Variants in SYK observed in about 807,000 individuals in gnomAD.
The protein encoded by SYK is tyrosine-protein kinase SYK.
SYK carries 16 observed loss-of-function variants against 77.8 expected under a neutral mutation model. That is an observed-to-expected ratio of 0.21 (90% CI 0.14 to 0.31). The LOEUF (loss-of-function observed/expected upper bound fraction) is 0.31, where lower values mean the gene tolerates loss of function less well. SYK is among the 10% of genes least tolerant of loss of function. SYK has a pLI of 1.00. For missense variants in SYK, 529 were observed against 814.4 expected, an observed-to-expected ratio of 0.65 and a Z score of 4.26; for synonymous variants, 312 against 308.7, an observed-to-expected ratio of 1.01 and a Z score of -0.11.
At chr9:90,835,657 G>A (rs756584322) in intron 1 of SYK, among the ~76,000 whole-genome samples, 12 of 152,262 alleles carry the variant, frequency 7.9e-5, no homozygotes, top group East Asian at 1.9e-4. Flanking sequence ...CAGAAGCATC[G>A]GCACACATTG....
Position 90,867,132 on chromosome 9 carries a change from C to T in SYK, c.848C>T (p.Thr283Ile), listed in dbSNP as rs1443199768. 2 of 1,614,018 alleles carry T rather than the reference C, an allele frequency of 1.2e-6. No individual in the cohort carries two copies. The highest frequency in any genetic ancestry group is 1.1e-5 in the South Asian group (1 of 91,084). ...CCTCTTTGCCGTTGTGGTTTCTAGA[C>T]TTGGTCAGCGGGTGGAATAATCTCA... ...RPQLPGSHPA[T>I]WSAGGIISRI... The change falls in exon 7 of 14, where the codon ACT becomes ATT. Residue 283 changes from threonine (T) to isoleucine (I), a missense_variant and splice_region_variant. By Grantham distance (89) the Thr-to-Ile change is moderately conservative (BLOSUM62 -1). Around this residue, in one of 2 missense-constraint regions of SYK, gnomAD observed 321 missense variants for 433.1 expected, o/e 0.74. Transcript: ENST00000375754.
rs1190111750 is a variant in SYK, at chr9:90,877,797, C to T, written c.1391+17C>T. ...GCAGAACAGGTATTGTCAGGTGCCC[C>T]CACACATCTGGAAGCTATCCCCTAA... On this transcript the variant is annotated intron_variant, in intron 10 of 13. Transcript: ENST00000375754. 6.2e-7 allele frequency: 1 copy of T among 1,613,488 alleles called. No homozygotes were observed. The highest frequency in any genetic ancestry group is 1.7e-5 in the Admixed American group (1 of 60,012).
intron 3 of SYK, among the ~76,000 whole-genome samples, chr9:90,853,261 C>T (rs1826888842): frequency 6.7e-6 from 1 of 149,056 alleles, no homozygotes; most frequent in African/African-American, 2.5e-5. Flanking sequence ...ACTATAGGAA[C>T]TGGGAAGTGG....
intron 3 of SYK, among the ~76,000 whole-genome samples, chr9:90,861,781 C>A (rs188691670): frequency 6.6e-6 from 1 of 152,312 alleles, no homozygotes; most frequent in Non-Finnish European, 1.5e-5. Flanking sequence ...TTGGATCTAA[C>A]CCAAATGCAG....
intron 2 of SYK, among the ~76,000 whole-genome samples, chr9:90,844,661 A>C (rs1826514490): frequency 6.6e-6 from 1 of 152,214 alleles, no homozygotes; most frequent in Non-Finnish European, 1.5e-5. Context: ...ACTGATAGGC[A>C]CTTGATTTTA....
At chr9:90,811,481 A>G (rs1200983779) in intron 1 of SYK, among the ~76,000 whole-genome samples, 3 of 152,202 alleles carry the variant, frequency 2.0e-5, no homozygotes, top group Non-Finnish European at 2.9e-5. Flanking sequence ...AAAAATCACT[A>G]AGGGAAGTAC....
rs1828958899 is a variant in SYK, at chr9:90,895,742, C to T, written c.*142C>T. The T allele has an allele frequency of 1.4e-6, 1 of 732,890 alleles. No homozygotes were observed. The highest frequency in any genetic ancestry group is 2.3e-6 in the Non-Finnish European group (1 of 436,954). 45.4% of individuals were successfully genotyped at this position (732,890 alleles called of 1,614,324 possible). ...ATGGAACATGCCCACAACTTGTCAC[C>T]CAAAGCCTGTCCCAGGACTCACCCT... On this transcript the variant is annotated 3_prime_UTR_variant, in exon 14 of 14. Coordinates refer to ENST00000375754, the MANE Select transcript of SYK (RefSeq NM_003177.7). This position sits in a 1 kb window ranked among gnomAD's most constrained non-coding sequence, Gnocchi z 4.4.
At chr9:90,852,788 A>G (rs1288198745) in intron 3 of SYK, among the ~76,000 whole-genome samples, 1 of 152,236 alleles carries the variant, frequency 6.6e-6, no homozygotes, top group African/African-American at 2.4e-5. Flanking sequence ...ATTCAACAAA[A>G]TAGGCATGTT....
intron 3 of SYK, among the ~76,000 whole-genome samples, chr9:90,849,506 T>A (rs1422192827): frequency 6.6e-6 from 1 of 152,196 alleles, no homozygotes; most frequent in East Asian, 1.9e-4. Context: ...TAGTTCTGTA[T>A]GGGGGCAGCT....
At chr9:90,821,095 C>T (rs1394349735) in intron 1 of SYK, among the ~76,000 whole-genome samples, 1 of 152,174 alleles carries the variant, frequency 6.6e-6, no homozygotes, top group Non-Finnish European at 1.5e-5. Context: ...CTGAGACTGC[C>T]TCAGCCTGGA....
intron 13 of SYK, among the ~76,000 whole-genome samples, chr9:90,890,400 A>G (rs1357775294): frequency 2.0e-5 from 3 of 152,234 alleles, no homozygotes; most frequent in Non-Finnish European, 4.4e-5. Context: ...TCTACGTGAT[A>G]TTCACTGGAT....
chr9:90,852,584 G>A (rs1032456308), intron 3 of SYK, among the ~76,000 whole-genome samples: 9 of 152,174 alleles, frequency 5.9e-5, no homozygotes, highest in Admixed American at 5.9e-4. Context: ...ATCTTACAAA[G>A]CCAAGAACAA....
intron 1 of SYK, among the ~76,000 whole-genome samples, chr9:90,838,701 G>T (rs529211260): frequency 9.5e-4 from 145 of 152,294 alleles, no homozygotes; most frequent in African/African-American, 3.0e-3. Flanking sequence ...ATGAAGTAGT[G>T]TCACACATGG....
At chr9:90,885,578 G>A (rs951905740) in intron 11 of SYK, among the ~76,000 whole-genome samples, 1 of 152,164 alleles carries the variant, frequency 6.6e-6, no homozygotes, top group Non-Finnish European at 1.5e-5. Context: ...GTGTCCCCAA[G>A]GGTGAAGAGA....
intron 1 of SYK, among the ~76,000 whole-genome samples, chr9:90,835,582 C>T (rs562686474): frequency 2.0e-5 from 3 of 152,138 alleles, no homozygotes; most frequent in African/African-American, 4.8e-5. Context: ...AGTTGGAAGA[C>T]GGGAAATGGA....
chr9:90,841,804 T>C (rs992380395), intron 1 of SYK, among the ~76,000 whole-genome samples: 2 of 150,902 alleles, frequency 1.3e-5, no homozygotes, highest in Admixed American at 1.3e-4. Context: ...GTTATGTGTG[T>C]AGTGTGTTGT....
chr9:90,807,238 T>G (rs1587798035), intron 1 of SYK, among the ~76,000 whole-genome samples: 2 of 152,174 alleles, frequency 1.3e-5, no homozygotes, highest in Admixed American at 1.3e-4. Context: ...TGGGAAACCA[T>G]GCATGACCTC....
chr9:90,859,250 C>T (rs1484986196), intron 3 of SYK, among the ~76,000 whole-genome samples: 2 of 152,206 alleles, frequency 1.3e-5, no homozygotes, highest in African/African-American at 2.4e-5. Flanking sequence ...CTGGGAGGCA[C>T]CACCTCCTGA....
In SYK at chr9:90,874,937, C is replaced by G. The variant is rs371864108; in HGVS notation, c.1181+88C>G. ...AATAACAAAATGTAACCTGGCATGACTAAACCCTTTTTTTATTAATGCTAC... is the reference window on the plus strand; with the variant it reads ...AATAACAAAATGTAACCTGGCATGAGTAAACCCTTTTTTTATTAATGCTAC... On this transcript the variant is annotated intron_variant, in intron 9 of 13. Transcript: ENST00000375754. 218 of 1,440,956 alleles carry G rather than the reference C, an allele frequency of 1.5e-4. No homozygotes were observed. In the African/African-American group the frequency reaches 3.0e-3, roughly 20 times the overall value. The allele number at this position is 1,440,956 out of a possible 1,614,324, so 89.3% of individuals were successfully genotyped here.
Sources: gnomAD v4.1 joint callset for allele counts (sites outside exome capture counted in the v4.1 genomes callset) on GRCh38, gnomAD v4.1.1 for gene constraint, gnomAD v4.1.1 regional missense constraint, Gnocchi (gnomAD v3.1) non-coding constraint, MANE v1.5 for transcripts, NCBI Gene and HGNC (gene_info 2026-07-23, HGNC 2026-07-21) for gene names.